The following KAZN variants were observed in gnomAD, a reference collection of about 807,000 sequenced individuals.
KAZN encodes kazrin.
Under a neutral mutation model 87.4 loss-of-function variants are expected in KAZN, and 40 were observed. That is an observed-to-expected ratio of 0.46 (90% CI 0.36 to 0.60). The LOEUF is 0.60. KAZN is among the 20% of genes least tolerant of loss of function. KAZN has a pLI of 0.00. For missense variants in KAZN, 898 were observed against 1,073.9 expected, an observed-to-expected ratio of 0.84 and a Z score of 2.29; for synonymous variants, 466 against 458.3, an observed-to-expected ratio of 1.02 and a Z score of -0.22.
chr1:14,369,159 T>C (rs1229755233), intron 2 of KAZN, among the ~76,000 whole-genome samples: 1 of 152,158 alleles, frequency 6.6e-6, no homozygotes, highest in African/African-American at 2.4e-5. Context: ...CATTTCTAAA[T>C]GCAAAATAAG....
intron 2 of KAZN, among the ~76,000 whole-genome samples, chr1:15,022,456 A>G (rs1670774893): frequency 6.6e-6 from 1 of 152,100 alleles, no homozygotes; most frequent in Non-Finnish European, 1.5e-5. Context: ...AAAGGCACTT[A>G]CCCAAGGTCA....
chr1:14,127,503 G>A (rs1210296001), intron 1 of KAZN, among the ~76,000 whole-genome samples: 9 of 150,880 alleles, frequency 6.0e-5, no homozygotes, highest in Non-Finnish European at 7.4e-5. Context: ...GAAATCCAAC[G>A]CTAATGGGGA....
At chr1:14,314,957 C>G (rs1655554794) in intron 2 of KAZN, among the ~76,000 whole-genome samples, 2 of 152,062 alleles carry the variant, frequency 1.3e-5, no homozygotes, top group Non-Finnish European at 2.9e-5. Flanking sequence ...GGCTTTTTCA[C>G]TCAGCATAAT....
intron 1 of KAZN, among the ~76,000 whole-genome samples, chr1:14,615,634 A>C (rs917595757): frequency 6.6e-5 from 10 of 152,104 alleles, no homozygotes; most frequent in African/African-American, 2.4e-4. Context: ...TCAAAAAAAA[A>C]AAAAAAGAGG....
chr1:14,159,023 C>G (rs1444905177), intron 1 of KAZN, among the ~76,000 whole-genome samples: 2 of 152,082 alleles, frequency 1.3e-5, no homozygotes, highest in African/African-American at 4.8e-5. Context: ...ACTCCTGTGG[C>G]CACCACCACT....
chr1:14,410,818 G>T (rs116851506), intron 2 of KAZN, among the ~76,000 whole-genome samples: 1 of 152,192 alleles, frequency 6.6e-6, no homozygotes, highest in African/African-American at 2.4e-5. Flanking sequence ...GCGGCCACCA[G>T]AACCCGAAAG....
At chr1:14,733,899 G>A (rs1389332570) in intron 1 of KAZN, among the ~76,000 whole-genome samples, 1 of 152,136 alleles carries the variant, frequency 6.6e-6, no homozygotes, top group East Asian at 1.9e-4. Context: ...CCAATCTGCA[G>A]CCCACGCCCC....
intron 1 of KAZN, among the ~76,000 whole-genome samples, chr1:14,026,545 A>G (rs1267013855): frequency 6.6e-6 from 1 of 152,190 alleles, no homozygotes; most frequent in African/African-American, 2.4e-5. Flanking sequence ...TCTAGATATA[A>G]AGAAGCTTGA....
intron 1 of KAZN, among the ~76,000 whole-genome samples, chr1:14,076,766 A>G (rs1054641811): frequency 1.3e-5 from 2 of 152,070 alleles, no homozygotes; most frequent in African/African-American, 4.8e-5. Flanking sequence ...TAAAATATTT[A>G]TTATCTGACC....
chr1:14,881,219 C>T (rs376875126), intron 1 of KAZN, among the ~76,000 whole-genome samples: 7 of 152,198 alleles, frequency 4.6e-5, no homozygotes, highest in African/African-American at 9.7e-5. Flanking sequence ...AGTAAATTCT[C>T]GCATGATAAG....
intron 1 of KAZN, among the ~76,000 whole-genome samples, chr1:14,728,289 T>A (rs4661519): frequency 0.11 from 3,129 of 29,352 alleles, 137 homozygotes; most frequent in African/African-American, 0.19. Context: ...ACCGTATATA[T>A]AAAAAAAAAA....
At chr1:14,770,944 C>T (rs573204550) in intron 1 of KAZN, among the ~76,000 whole-genome samples, 10 of 152,110 alleles carry the variant, frequency 6.6e-5, no homozygotes, top group Non-Finnish European at 1.3e-4. Flanking sequence ...AGGGAGACAT[C>T]GAGACCACAT....
intron 2 of KAZN, among the ~76,000 whole-genome samples, chr1:14,211,475 C>T (rs934325802): frequency 1.3e-5 from 2 of 152,118 alleles, no homozygotes; most frequent in Non-Finnish European, 2.9e-5. Flanking sequence ...CTGCCCGCCT[C>T]GGCCTCCCAA....
intron 1 of KAZN, among the ~76,000 whole-genome samples, chr1:14,168,980 A>T (rs1444276885): frequency 6.6e-6 from 1 of 152,220 alleles, no homozygotes; most frequent in African/African-American, 2.4e-5. Flanking sequence ...TGAGCAAGGC[A>T]TGGAAAATAT....
chr1:14,783,873 G>A lies in KAZN; in HGVS notation c.227-176811G>A, dbSNP rs181359986. 1.2e-4 allele frequency among the ~76,000 whole-genome samples: 18 copies of A among 152,272 alleles called. No homozygotes were observed. In the East Asian group the frequency reaches 3.1e-3, roughly 26 times the overall value. On this transcript the variant is annotated intron_variant, in intron 1 of 14. Transcript: ENST00000376030. ...GGACTTGAGGCTGAGTCTGGAGCCAGAGAGACTGCGATGAATAGAGGTTAT... is the reference window on the plus strand; with the variant it reads ...GGACTTGAGGCTGAGTCTGGAGCCAAAGAGACTGCGATGAATAGAGGTTAT...
intron 2 of KAZN, among the ~76,000 whole-genome samples, chr1:14,302,441 A>G (rs1032075360): frequency 2.6e-5 from 4 of 152,236 alleles, no homozygotes; most frequent in African/African-American, 9.6e-5. Flanking sequence ...GACAATACAC[A>G]TGGAATCTCA....
At chr1:14,321,577 C>T (rs1656052562) in intron 2 of KAZN, among the ~76,000 whole-genome samples, 1 of 152,154 alleles carries the variant, frequency 6.6e-6, no homozygotes, top group Non-Finnish European at 1.5e-5. Context: ...CTCACTAAGG[C>T]AGCCCTAGCC....
intron 2 of KAZN, among the ~76,000 whole-genome samples, chr1:14,261,857 G>A (rs529801560): frequency 1.4e-4 from 21 of 152,140 alleles, no homozygotes; most frequent in African/African-American, 4.6e-4. Flanking sequence ...GAAATTGCAA[G>A]GGCTCCATCT....
At chr1:14,145,135 A>G (rs1040677944) in intron 1 of KAZN, among the ~76,000 whole-genome samples, 5 of 152,062 alleles carry the variant, frequency 3.3e-5, no homozygotes, top group East Asian at 1.9e-4. Context: ...CCCAGCTTCA[A>G]TGTTCTCTTC....
Sources: allele counts gnomAD v4.1 joint callset (sites outside exome capture counted in the v4.1 genomes callset), GRCh38; gene constraint gnomAD v4.1.1; transcripts MANE v1.5; gene names NCBI Gene and HGNC (gene_info 2026-07-23, HGNC 2026-07-21).